The following ARHGEF10 variants were observed in gnomAD, a reference collection of about 807,000 sequenced individuals.
ARHGEF10 encodes the protein Rho guanine nucleotide exchange factor 10.
A neutral mutation model predicts 147.4 loss-of-function variants in ARHGEF10; 140 were observed. The ratio of observed to expected loss-of-function variants is 0.95; its 90% confidence interval spans 0.83 to 1.09. The LOEUF (loss-of-function observed/expected upper bound fraction) is 1.09, where lower values mean the gene tolerates loss of function less well. Among genes scored for constraint, ARHGEF10 ranks in the 50% least tolerant of loss-of-function variants. The pLI, the probability that ARHGEF10 is intolerant of heterozygous loss-of-function variation, is 0.00. For synonymous variants in ARHGEF10, 902 were observed against 695.8 expected, an observed-to-expected ratio of 1.30 and a Z score of -4.67; for missense variants, 2,222 against 1,752.7, an observed-to-expected ratio of 1.27 and a Z score of -4.78.
intron 17 of ARHGEF10, among the ~76,000 whole-genome samples, chr8:1,908,433 T>G (rs35766118): frequency 6.6e-6 from 1 of 151,992 alleles, no homozygotes; most frequent in South Asian, 2.1e-4. Flanking sequence ...GGGGTGTCAC[T>G]GTGTTAGCCA....
chr8:1,916,537 T>C (rs1433281929), intron 18 of ARHGEF10, among the ~76,000 whole-genome samples: 1 of 152,192 alleles, frequency 6.6e-6, no homozygotes, highest in African/African-American at 2.4e-5. Flanking sequence ...AGTGCTGTGG[T>C]TTCAGCTTTG....
chr8:1,945,200 C>G (rs1162566674), intron 26 of ARHGEF10, among the ~76,000 whole-genome samples: 1 of 152,212 alleles, frequency 6.6e-6, no homozygotes, highest in Non-Finnish European at 1.5e-5. Context: ...CTGCCCATGT[C>G]TCCTTTAGGA....
rs1011396898 is a variant in ARHGEF10, at chr8:1,923,599, A to C, written c.2387+4A>C. ...AGCTTCCCGGGAAGCAGGACAAGTT[A>C]GTAGTAGCTTTAAAACGAAACCTTC... On this transcript the variant is annotated splice_donor_region_variant and intron_variant, in intron 20 of 28. Transcript: ENST00000349830. 1 of 1,614,018 alleles carries C rather than the reference A, an allele frequency of 6.2e-7. No homozygotes were observed. Among genetic ancestry groups the C allele is most frequent in the African/African-American group, 1.3e-5 (1 of 74,930 alleles).
chr8:1,920,070 CTGTGGGTGATGGAG>C (rs1812154112), intron 18 of ARHGEF10, among the ~76,000 whole-genome samples: 3 of 148,956 alleles, frequency 2.0e-5, no homozygotes, highest in Non-Finnish European at 3.0e-5. Flanking sequence ...TGGAGCTGTT[CTGTGGGTGATGGAG>C]CTGTTCTGTG....
chr8:1,942,050 G>T (rs1433764026), intron 26 of ARHGEF10, among the ~76,000 whole-genome samples: 3 of 151,996 alleles, frequency 2.0e-5, no homozygotes, highest in Admixed American at 2.0e-4. Flanking sequence ...CATGATTTTG[G>T]ACTAGACAGT....
chr8:1,923,225 G>A (rs1812432091), intron 19 of ARHGEF10, 146 bp downstream of exon 19: 1 of 846,708 alleles, frequency 1.2e-6, no homozygotes, highest in Non-Finnish European at 1.8e-6. Context: ...TCTTACGTTA[G>A]ATAAGGTGAG....
Position 1,909,348 on chromosome 8 carries a change from G to C in ARHGEF10, c.2021G>C (p.Ser674Thr), listed in dbSNP as rs367878597. 6.2e-7 allele frequency: 1 copy of C among 1,614,238 alleles called. No individual in the cohort carries two copies. The highest frequency in any genetic ancestry group is 1.7e-5 in the Admixed American group (1 of 60,028). ...AGCCAGAGGTACTTGCTGAAGTGGAGCGTTCCACTGGGACATGTGGACGCC... is the reference window on the plus strand; with the variant it reads ...AGCCAGAGGTACTTGCTGAAGTGGACCGTTCCACTGGGACATGTGGACGCC... ...MSSQRYLLKW[S>T]VPLGHVDAIE... is the part of the protein sequence containing the mutation. The change falls in exon 18 of 29, where the codon AGC becomes ACC. Residue 674 changes from serine to threonine, a missense_variant. By Grantham distance (58) the Ser-to-Thr change is moderately conservative. Transcript: ENST00000349830.
At chr8:1,931,955 A>C (rs1813183069) in intron 25 of ARHGEF10, among the ~76,000 whole-genome samples, 1 of 152,188 alleles carries the variant, frequency 6.6e-6, no homozygotes, top group Non-Finnish European at 1.5e-5. Flanking sequence ...AAACGTCTGA[A>C]GTAGGCCATC....
intron 11 of ARHGEF10, among the ~76,000 whole-genome samples, chr8:1,886,612 C>A (rs186360091): frequency 1.3e-5 from 2 of 152,164 alleles, no homozygotes; most frequent in South Asian, 4.1e-4. Flanking sequence ...ACACGAGTGA[C>A]GGGATGGAGT....
chr8:1,935,452 GC>G (rs1293144488), intron 26 of ARHGEF10, among the ~76,000 whole-genome samples: 2 of 152,108 alleles, frequency 1.3e-5, no homozygotes, highest in Non-Finnish European at 2.9e-5. Context: ...TCTCTGTTCA[GC>G]CCTCCCTCCC....
At position 1,933,370 on chromosome 8, in the gene ARHGEF10, G is replaced by A. The variant is rs149157423; in HGVS notation, c.3080-430G>A. Among the ~76,000 whole-genome samples, 555 of 152,210 alleles carry A rather than the reference G, an allele frequency of 3.6e-3. 2 individuals carry two copies. Among genetic ancestry groups the A allele is most frequent in the African/African-American group, 0.012 (515 of 41,520 alleles). The stretch of plus-strand genomic sequence containing the variant: ...TTCTCTGCTATTATTGTAAATGGTC[G>A]TATTGACTGAATACCTGTGTGCTGG... On this transcript the variant is annotated intron_variant, in intron 25 of 28. Coordinates refer to ENST00000349830, the MANE Select transcript of ARHGEF10 (RefSeq NM_014629.4).
intron 2 of ARHGEF10, among the ~76,000 whole-genome samples, chr8:1,851,905 C>G (rs915486681): frequency 5.8e-5 from 8 of 138,162 alleles, no homozygotes; most frequent in African/African-American, 1.5e-4. Flanking sequence ...CAGAGCATGA[C>G]TCTGTCTCAA....
intron 28 of ARHGEF10, among the ~76,000 whole-genome samples, chr8:1,953,987 GA>G (rs1207856525): frequency 3.3e-5 from 5 of 152,154 alleles, no homozygotes; most frequent in African/African-American, 1.2e-4. Context: ...AAGGATTAAG[GA>G]ATTCTAGTTT....
intron 1 of ARHGEF10, among the ~76,000 whole-genome samples, chr8:1,831,773 G>A (rs1376848762): frequency 6.6e-6 from 1 of 152,250 alleles, no homozygotes; most frequent in African/African-American, 2.4e-5. Context: ...CCTGCACAGG[G>A]TGCTCCTGAT....
intron 28 of ARHGEF10, among the ~76,000 whole-genome samples, chr8:1,954,685 C>A (rs1273836390): frequency 2.0e-5 from 3 of 152,216 alleles, no homozygotes; most frequent in Non-Finnish European, 4.4e-5. Context: ...TGCTCACAAC[C>A]CTAGGAAATG....
At chr8:1,893,098 A>C (rs1809683951) in intron 11 of ARHGEF10, among the ~76,000 whole-genome samples, 2 of 151,628 alleles carry the variant, frequency 1.3e-5, no homozygotes, top group African/African-American at 2.4e-5. Context: ...TTTGCAAAAA[A>C]AAAAAAAAAA....
chr8:1,932,713 G>A (rs1285569197), intron 25 of ARHGEF10, among the ~76,000 whole-genome samples: 1 of 152,236 alleles, frequency 6.6e-6, no homozygotes, highest in African/African-American at 2.4e-5. Context: ...CTAAAAGTAT[G>A]CCACAGAAGT....
In ARHGEF10 at chr8:1,885,588, C is replaced by CT. The variant is rs768362270; in HGVS notation, c.1076-4dup. ...TGAATGTAAAATTCATGCATTTTGACTTTTTTTTTAAGATCACAGATCTTC... is the reference window on the plus strand; with the variant it reads ...TGAATGTAAAATTCATGCATTTTGACTTTTTTTTTTAAGATCACAGATCTTC... On this transcript the variant is annotated splice_polypyrimidine_tract_variant and intron_variant, in intron 10 of 28. Coordinates refer to ENST00000349830, the MANE Select transcript of ARHGEF10 (RefSeq NM_014629.4). The CT allele has an allele frequency of 1.8e-4, 287 of 1,553,618 alleles. No individual in the cohort carries two copies. Among genetic ancestry groups the CT allele is most frequent in the Admixed American group, 7.9e-4 (47 of 59,422 alleles).
chr8:1,930,487 A>G (rs936550867), intron 25 of ARHGEF10, among the ~76,000 whole-genome samples: 4 of 147,130 alleles, frequency 2.7e-5, no homozygotes, highest in Non-Finnish European at 3.0e-5. Context: ...TAAGGTTTTT[A>G]CCCTCCCCGC....
Sources: allele counts gnomAD v4.1 joint callset (sites outside exome capture counted in the v4.1 genomes callset), GRCh38; gene constraint gnomAD v4.1.1; transcripts MANE v1.5; gene names NCBI Gene and HGNC (gene_info 2026-07-23, HGNC 2026-07-21).